Variants in MALRD1 observed in about 807,000 individuals in gnomAD.
MALRD1 encodes the protein MAM and LDL receptor class A domain containing 1, also known as MAM and LDL-receptor class A domain-containing protein 1.
A neutral mutation model predicts 242.1 loss-of-function variants in MALRD1; 247 were observed. The ratio of observed to expected loss-of-function variants is 1.02; its 90% CI spans 0.92 to 1.13. The LOEUF (loss-of-function observed/expected upper bound fraction) is 1.13, where lower values mean the gene tolerates loss of function less well. Among genes scored for constraint, MALRD1 ranks in the 50% most tolerant of loss-of-function variants. The pLI is 0.00. For missense variants in MALRD1, 2,989 were observed against 2,533.1 expected, an observed-to-expected ratio of 1.18 and a Z score of -3.86; for synonymous variants, 995 against 866.6, an observed-to-expected ratio of 1.15 and a Z score of -2.60.
At chr10:19,112,764 A>T (rs576034902) in intron 5 of MALRD1, among the ~76,000 whole-genome samples, 1 of 152,320 alleles carries the variant, frequency 6.6e-6, no homozygotes, top group African/African-American at 2.4e-5. Flanking sequence ...AGAGGTAAGT[A>T]AGGAGAACAG....
rs1416956054 is a variant in MALRD1, at chr10:19,088,056, T to C, written c.468T>C (p.Ser156=). 3 of 1,233,412 alleles carry C rather than the reference T, an allele frequency of 2.4e-6. No homozygotes were observed. The highest frequency in any genetic ancestry group is 3.1e-5 in the African/African-American group (2 of 64,456). The allele number at this position is 1,233,412 out of a possible 1,614,324, so 76.4% of individuals were successfully genotyped here. ...TTTATTACTTCTCCTGCCAAGTGAG[T>C]GGCAAATTAATGGTTGGGCTTCAAA... ...ITFYYFSCQV[S]GKLMVGLQTA... The change falls in exon 4 of 40, where the codon AGT becomes AGC. Residue 156 remains serine (S), a synonymous_variant. Transcript: ENST00000454679.
At chr10:19,690,664 T>A (rs1256613222) in intron 36 of MALRD1, among the ~76,000 whole-genome samples, 1 of 151,934 alleles carries the variant, frequency 6.6e-6, no homozygotes, top group Non-Finnish European at 1.5e-5. Context: ...CAGTCTAGTT[T>A]AACTCTCCAT....
chr10:19,189,820 A>G (rs1490186058), intron 14 of MALRD1, among the ~76,000 whole-genome samples: 2 of 152,122 alleles, frequency 1.3e-5, no homozygotes, highest in Admixed American at 6.5e-5. Flanking sequence ...ACCTCAACAT[A>G]ATAAAAGCCA....
chr10:19,155,488 A>T (rs1834110156), intron 12 of MALRD1, among the ~76,000 whole-genome samples: 1 of 152,222 alleles, frequency 6.6e-6, no homozygotes, highest in South Asian at 2.1e-4. Flanking sequence ...TGAGAAAAAT[A>T]AAGTCAGTTA....
Position 19,048,811 on chromosome 10 carries a change from A to G in MALRD1, c.-128A>G, listed in dbSNP as rs11008290. ...GGGGAGTAATTTGTTAGAGTTGCAG[A>G]TAGTTACCAATAGTATCCAGTTATA... On this transcript the variant is annotated 5_prime_UTR_variant, in exon 1 of 40. Coordinates refer to ENST00000454679, the MANE Select transcript of MALRD1 (RefSeq NM_001142308.3). 0.18 allele frequency: 110,884 copies of G among 622,908 alleles called. 10,603 individuals are homozygous for G. The highest frequency in any genetic ancestry group is 0.32 in the African/African-American group (16,873 of 52,760). The allele number at this position is 622,908 out of a possible 1,614,324, so 38.6% of individuals were successfully genotyped here. A position where few individuals can be genotyped will look rare whatever the true frequency, so the allele number is the denominator to read the frequency against.
intron 14 of MALRD1, among the ~76,000 whole-genome samples, chr10:19,196,345 T>C (rs1836246329): frequency 6.6e-6 from 1 of 152,128 alleles, no homozygotes; most frequent in African/African-American, 2.4e-5. Context: ...CTTTCTCTTC[T>C]GAATCTCTTT....
At chr10:19,454,571 T>A (rs968731826) in intron 29 of MALRD1, among the ~76,000 whole-genome samples, 4 of 151,034 alleles carry the variant, frequency 2.6e-5, no homozygotes, top group Non-Finnish European at 5.9e-5. Context: ...AAACCCATTA[T>A]AAAGTCAAAA....
chr10:19,603,978 A>T (rs756480061), intron 34 of MALRD1, among the ~76,000 whole-genome samples: 2 of 152,184 alleles, frequency 1.3e-5, no homozygotes, highest in Non-Finnish European at 2.9e-5. Context: ...GCTGAACAAT[A>T]TTGCAGTTTG....
intron 31 of MALRD1, among the ~76,000 whole-genome samples, chr10:19,518,327 G>T (rs947093061): frequency 6.6e-6 from 1 of 152,132 alleles, no homozygotes; most frequent in Non-Finnish European, 1.5e-5. Context: ...AGCAATTTCA[G>T]TGTCCATAAA....
At chr10:19,372,505 G>A (rs1845421845) in intron 26 of MALRD1, among the ~76,000 whole-genome samples, 1 of 150,884 alleles carries the variant, frequency 6.6e-6, no homozygotes, top group South Asian at 2.1e-4. Context: ...GTTTCACTCT[G>A]TCACCCAGGC....
intron 21 of MALRD1, chr10:19,290,104 A>G (rs991963786): frequency 2.6e-5 from 4 of 152,202 alleles, no homozygotes; most frequent in African/African-American, 7.2e-5. Flanking sequence ...GTCTTAGGCA[A>G]GGTCTTAAAA....
chr10:19,682,899 G>A (rs2131798423), intron 36 of MALRD1, among the ~76,000 whole-genome samples: 1 of 152,204 alleles, frequency 6.6e-6, no homozygotes, highest in South Asian at 2.1e-4. Context: ...TGGGCATGGG[G>A]AAAAGTCATG....
At chr10:19,250,286 C>T (rs931512158) in intron 18 of MALRD1, among the ~76,000 whole-genome samples, 7 of 151,910 alleles carry the variant, frequency 4.6e-5, no homozygotes, top group Non-Finnish European at 1.0e-4. Flanking sequence ...TCTGAACCTT[C>T]TTCACTTTTT....
intron 36 of MALRD1, among the ~76,000 whole-genome samples, chr10:19,617,846 T>C (rs1839232345): frequency 6.6e-6 from 1 of 152,096 alleles, no homozygotes; most frequent in Non-Finnish European, 1.5e-5. Flanking sequence ...CATGTAGTTT[T>C]ATTTATCCAA....
chr10:19,401,655 G>A (rs569762864), intron 28 of MALRD1, among the ~76,000 whole-genome samples: 1 of 151,880 alleles, frequency 6.6e-6, no homozygotes, highest in Admixed American at 6.6e-5. Context: ...AATAACTTTT[G>A]TAGAATTAAC....
intron 1 of MALRD1, among the ~76,000 whole-genome samples, chr10:19,050,022 G>C (rs141484023): frequency 6.6e-6 from 1 of 151,476 alleles, no homozygotes; most frequent in South Asian, 2.1e-4. Context: ...TATTGGTGCG[G>C]TTAATTATCC....
At chr10:19,517,223 G>C (rs542045129) in intron 31 of MALRD1, among the ~76,000 whole-genome samples, 2 of 152,314 alleles carry the variant, frequency 1.3e-5, no homozygotes, top group African/African-American at 4.8e-5. Flanking sequence ...CTGAGGGACT[G>C]GTTGGTTATT....
chr10:19,087,663 T>C (rs755176), intron 2 of MALRD1, among the ~76,000 whole-genome samples, 177 bp from the exon 3 acceptor site: 81,654 of 151,634 alleles, frequency 0.54, 22,147 homozygotes, highest in Middle Eastern at 0.6. Context: ...GAATGGGGTA[T>C]CCATCCCCTA....
At chr10:19,229,602 C>T (rs1582060) in intron 18 of MALRD1, among the ~76,000 whole-genome samples, 1 of 152,022 alleles carries the variant, frequency 6.6e-6, no homozygotes. Context: ...CGCTTCCACC[C>T]ATAGAAAAGC....
Sources: allele counts gnomAD v4.1 joint callset (sites outside exome capture counted in the v4.1 genomes callset), GRCh38; gene constraint gnomAD v4.1.1; transcripts MANE v1.5; gene names NCBI Gene and HGNC (gene_info 2026-07-23, HGNC 2026-07-21).